HMGCLL1: variants seen among roughly 807,000 people sequenced by gnomAD.
HMGCLL1 encodes the protein 3-hydroxymethyl-3-methylglutaryl-CoA lyase, cytoplasmic.
Under a neutral mutation model 39.1 loss-of-function variants are expected in HMGCLL1, and 36 were observed. That is an observed-to-expected ratio of 0.92 (90% CI 0.71 to 1.22). The LOEUF (loss-of-function observed/expected upper bound fraction) is 1.22. HMGCLL1 is among the 50% of genes most tolerant of loss of function. The pLI is 0.00. For missense variants in HMGCLL1, 451 were observed against 416.5 expected (o/e 1.08, Z -0.72); for synonymous variants, 149 against 144.0 (o/e 1.03, Z -0.25).
intron 1 of HMGCLL1, among the ~76,000 whole-genome samples, chr6:55,545,311 T>A (rs1769901281): frequency 6.6e-6 from 1 of 152,260 alleles, no homozygotes; most frequent in African/African-American, 2.4e-5. Context: ...AGGACCTTTC[T>A]TTGCATCAAT....
chr6:55,464,292 A>G (rs1764705501), intron 7 of HMGCLL1, among the ~76,000 whole-genome samples: 1 of 152,194 alleles, frequency 6.6e-6, no homozygotes, highest in South Asian at 2.1e-4. Context: ...CCTAGTTGCA[A>G]GTAGAAATCA....
At chr6:55,592,643 G>A in the HMGCLL1 span, among the ~76,000 whole-genome samples, 1 of 152,032 alleles carries the variant, frequency 6.6e-6, no homozygotes, top group East Asian at 1.9e-4. Flanking sequence ...TTTGGACATT[G>A]CCAGATATCC....
upstream of HMGCLL1, chr6:55,579,299 C>A (rs1771928423): frequency 1.7e-6 from 1 of 580,730 alleles, no homozygotes; most frequent in Admixed American, 3.0e-5. Context: ...ATGCCGAGCA[C>A]CTGAACAGGA....
intron 7 of HMGCLL1, among the ~76,000 whole-genome samples, chr6:55,472,441 T>C (rs563546558): frequency 2.7e-5 from 4 of 148,482 alleles, no homozygotes; most frequent in Non-Finnish European, 6.0e-5. Context: ...TCTCTTCAAG[T>C]TATTTGTCCA....
At chr6:55,509,791 G>A (rs996007437) in intron 5 of HMGCLL1, among the ~76,000 whole-genome samples, 2 of 151,692 alleles carry the variant, frequency 1.3e-5, no homozygotes, top group African/African-American at 4.8e-5. Context: ...ATCCCTTTTG[G>A]AAGCATTTAA....
the HMGCLL1 span, among the ~76,000 whole-genome samples, chr6:55,612,153 C>T: frequency 6.6e-6 from 1 of 152,132 alleles, no homozygotes. Context: ...TATACACCAA[C>T]AACAGGCAGG....
At chr6:55,477,471 T>TATATATTATATTACATATAATATATA (rs1765514024) in intron 7 of HMGCLL1, among the ~76,000 whole-genome samples, 1 of 69,454 alleles carries the variant, frequency 1.4e-5, no homozygotes, top group Non-Finnish European at 2.7e-5. Context: ...TAATATATAA[T>TATATATTATATTACATATAATATATA]ATATATATTA....
the HMGCLL1 span, among the ~76,000 whole-genome samples, chr6:55,599,603 GA>G: frequency 6.6e-6 from 1 of 152,004 alleles, no homozygotes; most frequent in African/African-American, 2.4e-5. Context: ...CGCAATTAAA[GA>G]AAAATAAGTA....
At chr6:55,453,936 T>A (rs1443195246) in intron 7 of HMGCLL1, among the ~76,000 whole-genome samples, 1 of 152,172 alleles carries the variant, frequency 6.6e-6, no homozygotes, top group Non-Finnish European at 1.5e-5. Flanking sequence ...GGATATAGAA[T>A]CATCTTTAGT....
chr6:55,557,836 G>T (rs533697571), intron 1 of HMGCLL1, among the ~76,000 whole-genome samples: 1 of 152,264 alleles, frequency 6.6e-6, no homozygotes, highest in African/African-American at 2.4e-5. Context: ...GAGTACAGCT[G>T]GTGCCCGTAC....
the HMGCLL1 span, among the ~76,000 whole-genome samples, chr6:55,667,839 T>C: frequency 2.2e-4 from 34 of 151,962 alleles, no homozygotes; most frequent in African/African-American, 8.2e-4. Flanking sequence ...AGATCACATA[T>C]TGTTAGTAAA....
intron 1 of HMGCLL1, among the ~76,000 whole-genome samples, chr6:55,554,729 G>A (rs1770559055): frequency 6.6e-6 from 1 of 152,056 alleles, no homozygotes. Context: ...CCATGGCCAG[G>A]GAAGGGGTCC....
chr6:55,666,158 G>A, the HMGCLL1 span, among the ~76,000 whole-genome samples: 34 of 151,698 alleles, frequency 2.2e-4, no homozygotes, highest in Non-Finnish European at 3.8e-4. Context: ...TGAATCAAGC[G>A]TGGACAAGAA....
chr6:55,665,644 T>G, the HMGCLL1 span, among the ~76,000 whole-genome samples: 1 of 151,900 alleles, frequency 6.6e-6, no homozygotes, highest in African/African-American at 2.4e-5. Context: ...TTTCTTTTTA[T>G]CCTTGTTGGA....
At chr6:55,554,515 G>T (rs1770546649) in intron 1 of HMGCLL1, among the ~76,000 whole-genome samples, 1 of 151,794 alleles carries the variant, frequency 6.6e-6, no homozygotes, top group South Asian at 2.1e-4. Flanking sequence ...TCATTCTTGG[G>T]GTACATTAGT....
At chr6:55,674,195 T>A in the HMGCLL1 span, among the ~76,000 whole-genome samples, 2 of 151,958 alleles carry the variant, frequency 1.3e-5, no homozygotes, top group African/African-American at 4.8e-5. Context: ...CCCACAGGAC[T>A]TCAGGGAATC....
At chr6:55,610,890 T>TA in the HMGCLL1 span, among the ~76,000 whole-genome samples, 3 of 151,776 alleles carry the variant, frequency 2.0e-5, no homozygotes, top group Admixed American at 6.6e-5. Context: ...TCAACACTCT[T>TA]AAAAAAAAGA....
chr6:55,452,607 A>C (rs1230618630), intron 7 of HMGCLL1, among the ~76,000 whole-genome samples: 2 of 152,164 alleles, frequency 1.3e-5, no homozygotes, highest in Non-Finnish European at 2.9e-5. Context: ...AGAATGTTTA[A>C]TATGATCATA....
chr6:55,659,922 A>G, the HMGCLL1 span, among the ~76,000 whole-genome samples: 2 of 151,740 alleles, frequency 1.3e-5, no homozygotes, highest in Non-Finnish European at 2.9e-5. Context: ...CTCTGAATAC[A>G]TGTCAGAAAA....
Sources: allele counts gnomAD v4.1 joint callset (sites outside exome capture counted in the v4.1 genomes callset), GRCh38; gene constraint gnomAD v4.1.1; transcripts MANE v1.5; gene names NCBI Gene and HGNC (gene_info 2026-07-23, HGNC 2026-07-21).